The following SRSF11 variants were observed in gnomAD, a reference collection of about 807,000 sequenced individuals.
The protein encoded by SRSF11 is serine and arginine rich splicing factor 11, also known as serine/arginine-rich splicing factor 11.
In SRSF11, 9 loss-of-function variants were observed where a neutral mutation model predicts 56.0. That is an observed-to-expected ratio of 0.16 (90% CI 0.10 to 0.28). SRSF11 has a LOEUF of 0.28. Among genes scored for constraint, SRSF11 ranks in the 10% least tolerant of loss-of-function variants. The pLI is 1.00. For missense variants in SRSF11, 421 were observed against 600.7 expected, an observed-to-expected ratio of 0.70 and a Z score of 3.13; for synonymous variants, 222 against 215.3, an observed-to-expected ratio of 1.03 and a Z score of -0.27.
chr1:70,242,194 G>C (rs1675604508), intron 7 of SRSF11, among the ~76,000 whole-genome samples: 1 of 151,282 alleles, frequency 6.6e-6, no homozygotes, highest in Non-Finnish European at 1.5e-5. Flanking sequence ...GAGAGCCTGT[G>C]TCTTTTTCTT....
intron 1 of SRSF11, among the ~76,000 whole-genome samples, chr1:70,210,172 T>C (rs80138798): frequency 3.3e-5 from 5 of 151,972 alleles, no homozygotes; most frequent in Non-Finnish European, 7.4e-5. Context: ...CCTTTTTTTT[T>C]CCAAGACAGA....
At chr1:70,218,026 G>T (rs1261677490), upstream of SRSF11, among the ~76,000 whole-genome samples, 2 of 151,960 alleles carry the variant, frequency 1.3e-5, no homozygotes, top group Non-Finnish European at 2.9e-5. Context: ...GTCTTGCTCT[G>T]TTGCCCAGGC....
intron 9 of SRSF11, chr1:70,248,256 A>G (rs1183001899): frequency 6.6e-6 from 1 of 152,178 alleles, no homozygotes; most frequent in Non-Finnish European, 1.5e-5. Flanking sequence ...AAAGTTAACT[A>G]TCCATTAACA....
At chr1:70,244,141 G>T (rs576293296) in intron 7 of SRSF11, among the ~76,000 whole-genome samples, 1 of 152,262 alleles carries the variant, frequency 6.6e-6, no homozygotes, top group Admixed American at 6.5e-5. Flanking sequence ...TTGTTTCAGA[G>T]AAAAATTCGA....
intron 1 of SRSF11, among the ~76,000 whole-genome samples, chr1:70,215,322 TTTCCCTCTAAATGGAACAA>T (rs763351906): frequency 9.2e-5 from 14 of 152,214 alleles, no homozygotes; most frequent in Non-Finnish European, 1.9e-4. Context: ...CTCAACCAAA[TTTCCCTCTAAATGGAACAA>T]ATACATACCA....
rs141530148 is a variant in SRSF11, at chr1:70,236,035, G to A, written c.590+485G>A. ...AGTTTTTTTCACTGGTTATTTGTTG[G>A]CATAATAAATTTGAACTTTATACCT... On this transcript the variant is annotated intron_variant, in intron 5 of 11. Coordinates refer to ENST00000370949, the MANE Select transcript of SRSF11 (RefSeq NM_001350605.2). 3.3e-5 allele frequency among the ~76,000 whole-genome samples: 5 copies of A among 152,162 alleles called. No individual in the cohort carries two copies. In the East Asian group the frequency reaches 9.6e-4, roughly 29 times the overall value.
Position 70,221,433 on chromosome 1 carries a change from A to G in SRSF11, c.-204A>G. On this transcript the variant is annotated 5_prime_UTR_variant, in exon 1 of 12. Coordinates refer to ENST00000370949, the MANE Select transcript of SRSF11 (RefSeq NM_001350605.2). ...GGCCGTTTGTTTTCTCGTGGTCTCG[A>G]GCTCGCGCGCTCTCATCCCCTCCCC... 1 of 643,082 alleles carries G rather than the reference A, an allele frequency of 1.6e-6. No individual in the cohort carries two copies. Among genetic ancestry groups the G allele is most frequent in the Non-Finnish European group, 2.6e-6 (1 of 391,452 alleles). The allele number at this position is 643,082 out of a possible 1,614,324, so 39.8% of individuals were successfully genotyped here. A position where few individuals can be genotyped will look rare whatever the true frequency, so the allele number is the denominator to read the frequency against.
intron 8 of SRSF11, 81 bp downstream of exon 8, chr1:70,244,896 TGGGGTGC>T: frequency 7.1e-7 from 1 of 1,415,862 alleles, no homozygotes; most frequent in South Asian, 1.3e-5. Context: ...AAGAGGTGGT[TGGGGTGC>T]GGGGCAGAGA....
chr1:70,250,959 A>C lies in SRSF11; in HGVS notation c.*154A>C. On this transcript the variant is annotated 3_prime_UTR_variant, in exon 12 of 12. Coordinates refer to ENST00000370949, the MANE Select transcript of SRSF11 (RefSeq NM_001350605.2). ...CTCCTGTTACTCATATTAGTTATTTACATCAAAAAGCTTTTAGAAAATGGT... is the reference window on the plus strand; with the variant it reads ...CTCCTGTTACTCATATTAGTTATTTCCATCAAAAAGCTTTTAGAAAATGGT... The C allele has an allele frequency of 1.5e-6, 1 of 650,332 alleles. No individual in the cohort carries two copies. The allele number at this position is 650,332 out of a possible 1,614,324, so 40.3% of individuals were successfully genotyped here.
At position 70,229,740 on chromosome 1, in the gene SRSF11, T is replaced by C. The variant is rs558434854; in HGVS notation, c.337+1185T>C. 3.1e-4 allele frequency: 308 copies of C among 984,340 alleles called. No homozygotes were observed. The Middle Eastern group carries it at 4.2e-3, about 13-fold the overall frequency. 61.0% of individuals were successfully genotyped at this position (984,340 alleles called of 1,614,324 possible). On this transcript the variant is annotated intron_variant, in intron 2 of 11. Transcript: ENST00000370949. ...GCATTTACACCATACCTTGTAAAAG[T>C]TGTGAAATGTCTAGTCCTTAACAGA... is the stretch of plus-strand genomic sequence containing the variant.
chr1:70,230,208 G>C, intron 2 of SRSF11: 2 of 984,102 alleles, frequency 2.0e-6, no homozygotes, highest in Non-Finnish European at 2.4e-6. Context: ...CCTATTTTTG[G>C]AAGTGAAGTA....
intron 3 of SRSF11, among the ~76,000 whole-genome samples, chr1:70,232,581 T>G (rs1364632086): frequency 6.6e-6 from 1 of 152,224 alleles, no homozygotes; most frequent in Non-Finnish European, 1.5e-5. Context: ...AAATATCTGT[T>G]CTGTCACTTT....
upstream of SRSF11, among the ~76,000 whole-genome samples, chr1:70,217,453 G>A (rs532196685): frequency 6.4e-4 from 98 of 152,200 alleles, no homozygotes; most frequent in African/African-American, 2.3e-3. Flanking sequence ...CACCGCGCCT[G>A]GCTGTGTTGT....
chr1:70,232,827 A>T (rs1341878189), intron 3 of SRSF11, among the ~76,000 whole-genome samples: 1 of 151,904 alleles, frequency 6.6e-6, no homozygotes, highest in Non-Finnish European at 1.5e-5. Context: ...CTTGATGGAG[A>T]TGTTTGATAT....
upstream of SRSF11, among the ~76,000 whole-genome samples, chr1:70,217,194 T>C (rs1387383728): frequency 1.3e-5 from 2 of 152,184 alleles, no homozygotes; most frequent in Non-Finnish European, 2.9e-5. Flanking sequence ...GTTTCGCTCT[T>C]GTTGCCCAGG....
Position 70,252,549 on chromosome 1 carries a change from A to T in SRSF11, c.*1744A>T, listed in dbSNP as rs952627321. The T allele has an allele frequency of 6.7e-6, 1 of 148,952 alleles. No homozygotes were observed. Among genetic ancestry groups the T allele is most frequent in the African/African-American group, 2.5e-5 (1 of 40,260 alleles). The allele number at this position is 148,952 out of a possible 1,614,324, so 9.2% of individuals were successfully genotyped here. On this transcript the variant is annotated 3_prime_UTR_variant, in exon 12 of 12. Transcript: ENST00000370949. The stretch of plus-strand genomic sequence containing the variant: ...TATAGAAAAACAGCATTGTTTTTAC[A>T]GTTTGTAGTAAGTAACTTTTTAAAG...
At chr1:70,207,993 T>G (rs1669210739) in intron 1 of SRSF11, among the ~76,000 whole-genome samples, 2 of 152,118 alleles carry the variant, frequency 1.3e-5, no homozygotes, top group Admixed American at 6.5e-5. Flanking sequence ...ATTACAGGCA[T>G]GAGCCACCTC....
At chr1:70,239,574 C>A in intron 7 of SRSF11, 54 bp downstream of exon 7, 1 of 1,315,900 alleles carries the variant, frequency 7.6e-7, no homozygotes, top group South Asian at 1.3e-5. Context: ...TTATATATGT[C>A]ACATCTTTTT....
At chr1:70,233,756 TGGTTTTAAA>T (rs968349204) in intron 3 of SRSF11, among the ~76,000 whole-genome samples, 2 of 152,188 alleles carry the variant, frequency 1.3e-5, no homozygotes, top group Non-Finnish European at 2.9e-5. Context: ...AAGCTACAGA[TGGTTTTAAA>T]GTAGCCTCAC....
Sources: gnomAD v4.1 joint callset for allele counts (sites outside exome capture counted in the v4.1 genomes callset) on GRCh38, gnomAD v4.1.1 for gene constraint, MANE v1.5 for transcripts, NCBI Gene and HGNC (gene_info 2026-07-23, HGNC 2026-07-21) for gene names.